Variants in CACNB2 observed in about 807,000 individuals in gnomAD.
CACNB2 encodes voltage-dependent L-type calcium channel subunit beta-2.
A neutral mutation model predicts 73.3 loss-of-function variants in CACNB2; 42 were observed. The ratio of observed to expected loss-of-function variants is 0.57; its 90% confidence interval spans 0.45 to 0.74. The LOEUF is 0.74. Among genes scored for constraint, CACNB2 ranks in the 30% least tolerant of loss-of-function variants. The probability of loss-of-function intolerance (pLI) is 0.00; values close to 1 mark genes in which losing one functional copy is unlikely to be tolerated. For synonymous variants in CACNB2, 348 were observed against 310.3 expected (o/e 1.12, Z -1.28); for missense variants, 940 against 853.0 (o/e 1.10, Z -1.27).
At chr10:18,431,909 C>A (rs1331866161) in intron 3 of CACNB2, among the ~76,000 whole-genome samples, 3 of 152,074 alleles carry the variant, frequency 2.0e-5, no homozygotes, top group Non-Finnish European at 4.4e-5. Flanking sequence ...GAACTGCAGG[C>A]GTGTGCCGCT....
rs1263100435 is a variant in CACNB2, at chr10:18,341,850, CTG to C, written c.214-60073_214-60072del. Among the ~76,000 whole-genome samples the C allele has an allele frequency of 8.5e-5, 13 of 152,168 alleles. No homozygotes were observed. In the South Asian group the frequency reaches 2.3e-3, roughly 27 times the overall value. On this transcript the variant is annotated intron_variant, in intron 2 of 13. Coordinates refer to ENST00000324631, the MANE Select transcript of CACNB2 (RefSeq NM_201596.3). ...ATGTTGTATCATATAAAACTGGAAACTGAGATACTTTTTATGTGATTTTGATG... is the reference window on the plus strand; with the variant it reads ...ATGTTGTATCATATAAAACTGGAAACAGATACTTTTTATGTGATTTTGATG...
At chr10:18,378,773 G>A (rs1196503897) in intron 2 of CACNB2, among the ~76,000 whole-genome samples, 1 of 152,150 alleles carries the variant, frequency 6.6e-6, no homozygotes, top group Non-Finnish European at 1.5e-5. Flanking sequence ...ACGGTGGCCT[G>A]ACGGTTAAGT....
intron 2 of CACNB2, among the ~76,000 whole-genome samples, chr10:18,386,399 A>ATTTTTTTTT (rs10637329): frequency 1.8e-4 from 19 of 106,514 alleles, no homozygotes; most frequent in East Asian, 6.0e-4. Context: ...TTTATTTATG[A>ATTTTTTTTT]TTTTTTTTTT....
intron 1 of CACNB2, 97 bp downstream of exon 1, chr10:18,140,953 C>A (rs563833874): frequency 2.6e-6 from 4 of 1,523,182 alleles, no homozygotes; most frequent in Admixed American, 2.0e-5. Flanking sequence ...GGATCTCTAG[C>A]CTCGCACCTC....
chr10:18,359,620 A>T (rs1159301079), intron 2 of CACNB2, among the ~76,000 whole-genome samples: 4 of 149,816 alleles, frequency 2.7e-5, no homozygotes, highest in Admixed American at 6.7e-5. Flanking sequence ...TTTCTTTTTC[A>T]TACTTTAAGT....
chr10:18,374,213 G>A (rs11013908), intron 2 of CACNB2, among the ~76,000 whole-genome samples: 24,505 of 152,156 alleles, frequency 0.16, 2,155 homozygotes, highest in Middle Eastern at 0.28. Flanking sequence ...TGAACATGAG[G>A]TGTTGCCTCT....
At chr10:18,220,394 C>T (rs1406675166) in intron 2 of CACNB2, among the ~76,000 whole-genome samples, 17 of 149,098 alleles carry the variant, frequency 1.1e-4, no homozygotes, top group Admixed American at 1.3e-4. Flanking sequence ...CAAGTAGCTA[C>T]GACTACAGGC....
chr10:18,171,549 A>T (rs968751194), intron 2 of CACNB2, among the ~76,000 whole-genome samples: 1 of 140,008 alleles, frequency 7.1e-6, no homozygotes, highest in East Asian at 2.1e-4. Flanking sequence ...AAAAAAAAAA[A>T]GGCTATTTGT....
At chr10:18,381,022 G>T (rs143761904) in intron 2 of CACNB2, among the ~76,000 whole-genome samples, 316 of 151,782 alleles carry the variant, frequency 2.1e-3, no homozygotes, top group African/African-American at 7.4e-3. Flanking sequence ...ACACCACCAG[G>T]AGCCCCTCTG....
At chr10:18,377,571 G>C (rs189447300) in intron 2 of CACNB2, among the ~76,000 whole-genome samples, 2 of 152,064 alleles carry the variant, frequency 1.3e-5, no homozygotes, top group Non-Finnish European at 2.9e-5. Context: ...TGTAATTTTC[G>C]CAACATGAGA....
intron 3 of CACNB2, among the ~76,000 whole-genome samples, chr10:18,469,110 A>G (rs1484140254): frequency 1.3e-5 from 2 of 152,172 alleles, no homozygotes; most frequent in South Asian, 2.1e-4. Context: ...AAAATCAGCC[A>G]TGCATGGTGG....
intron 2 of CACNB2, among the ~76,000 whole-genome samples, chr10:18,162,749 A>T (rs2032559920): frequency 6.6e-6 from 1 of 152,220 alleles, no homozygotes; most frequent in African/African-American, 2.4e-5. Flanking sequence ...CTTACATAAC[A>T]TCAGCCATTC....
chr10:18,179,245 A>G (rs780604823), intron 2 of CACNB2, among the ~76,000 whole-genome samples: 5 of 152,184 alleles, frequency 3.3e-5, no homozygotes, highest in Middle Eastern at 3.2e-3. Flanking sequence ...ACAGAAAAAG[A>G]AAGGGTTTAT....
intron 3 of CACNB2, among the ~76,000 whole-genome samples, chr10:18,404,460 A>G (rs2044174136): frequency 6.6e-6 from 1 of 152,236 alleles, no homozygotes; most frequent in South Asian, 2.1e-4. Context: ...GAAGGCTTAA[A>G]GTTTAAAAAC....
chr10:18,351,394 A>C (rs2041700412), intron 2 of CACNB2, among the ~76,000 whole-genome samples: 1 of 152,220 alleles, frequency 6.6e-6, no homozygotes, highest in Non-Finnish European at 1.5e-5. Flanking sequence ...CTGATTCTGC[A>C]ATATACTACG....
intron 3 of CACNB2, among the ~76,000 whole-genome samples, chr10:18,418,182 C>T (rs533297588): frequency 1.3e-5 from 2 of 152,330 alleles, no homozygotes; most frequent in South Asian, 4.1e-4. Context: ...TCAGGCGATT[C>T]TCCTGCCTCA....
intron 2 of CACNB2, among the ~76,000 whole-genome samples, chr10:18,368,124 G>A (rs560387192): frequency 6.6e-6 from 1 of 152,206 alleles, no homozygotes; most frequent in Admixed American, 6.5e-5. Flanking sequence ...AGTTGAAATC[G>A]CACAGCTCCT....
chr10:18,511,017 C>T (rs2050745193), intron 6 of CACNB2, among the ~76,000 whole-genome samples: 1 of 152,160 alleles, frequency 6.6e-6, no homozygotes, highest in South Asian at 2.1e-4. Flanking sequence ...CAATAAGCCC[C>T]ATAAGGAAAC....
intron 2 of CACNB2, among the ~76,000 whole-genome samples, chr10:18,298,678 C>T (rs1210089895): frequency 6.6e-6 from 1 of 152,222 alleles, no homozygotes; most frequent in Non-Finnish European, 1.5e-5. Context: ...AGTTGCAGCC[C>T]TGGTGGACAT....
Sources: gnomAD v4.1 joint callset for allele counts (sites outside exome capture counted in the v4.1 genomes callset) on GRCh38, gnomAD v4.1.1 for gene constraint, MANE v1.5 for transcripts, NCBI Gene and HGNC (gene_info 2026-07-23, HGNC 2026-07-21) for gene names.